Variants in NT5DC3 observed in about 807,000 individuals in gnomAD.
NT5DC3 encodes the protein 5'-nucleotidase domain-containing protein 3.
NT5DC3 carries 42 observed loss-of-function variants against 67.8 expected under a neutral mutation model. The ratio of observed to expected loss-of-function variants is 0.62; its 90% CI spans 0.48 to 0.80. NT5DC3 has a LOEUF of 0.80. NT5DC3 is among the 30% of genes least tolerant of loss of function. The probability of loss-of-function intolerance (pLI) is 0.00; values close to 1 mark genes in which losing one functional copy is unlikely to be tolerated. For missense variants in NT5DC3, 570 were observed against 696.4 expected (o/e 0.82, Z 2.04); for synonymous variants, 237 against 255.6 (o/e 0.93, Z 0.69).
the NT5DC3 span, among the ~76,000 whole-genome samples, chr12:103,754,658 T>TA: frequency 2.0e-5 from 3 of 152,112 alleles, no homozygotes; most frequent in Admixed American, 2.0e-4. Context: ...GATGAAGAAT[T>TA]AGAGTTCTAG....
chr12:103,806,739 A>G (rs1416433466), intron 3 of NT5DC3, 116 bp downstream of exon 3: 1 of 669,242 alleles, frequency 1.5e-6, no homozygotes, highest in Admixed American at 2.7e-5. Flanking sequence ...TTGGTTCTGC[A>G]GTCCCAAATA....
chr12:103,828,382 T>A (rs943585879), intron 1 of NT5DC3, among the ~76,000 whole-genome samples: 2 of 152,228 alleles, frequency 1.3e-5, no homozygotes, highest in African/African-American at 4.8e-5. Context: ...GTTCTCCTAT[T>A]TTAGGCATTT....
chr12:103,834,956 G>A (rs1888083215), intron 1 of NT5DC3, among the ~76,000 whole-genome samples: 1 of 152,192 alleles, frequency 6.6e-6, no homozygotes, highest in South Asian at 2.1e-4. Context: ...TCTTCTGACT[G>A]TGCCTTCCTA....
At chr12:103,757,441 G>T in the NT5DC3 span, among the ~76,000 whole-genome samples, 3 of 152,190 alleles carry the variant, frequency 2.0e-5, no homozygotes, top group African/African-American at 7.2e-5. Context: ...CAGTGAACAA[G>T]CAAGCAAACA....
At chr12:103,837,950 A>C (rs1324341703) in intron 1 of NT5DC3, among the ~76,000 whole-genome samples, 1 of 152,120 alleles carries the variant, frequency 6.6e-6, no homozygotes, top group Non-Finnish European at 1.5e-5. Context: ...GTATCAGTCC[A>C]TTTTCATGCT....
the NT5DC3 span, chr12:103,759,238 C>T: frequency 6.2e-7 from 1 of 1,614,088 alleles, no homozygotes; most frequent in Admixed American, 1.7e-5. Context: ...GGGAAGCAAG[C>T]TGCTCATCAC....
chr12:103,778,998 A>T (rs1003309466), intron 13 of NT5DC3, among the ~76,000 whole-genome samples: 3 of 152,182 alleles, frequency 2.0e-5, no homozygotes, highest in African/African-American at 7.2e-5. Context: ...GGAATACGGA[A>T]TGCTCTCAGG....
At chr12:103,804,340 G>T (rs11111793) in intron 4 of NT5DC3, among the ~76,000 whole-genome samples, 34,522 of 152,068 alleles carry the variant, frequency 0.23, 4,446 homozygotes, top group South Asian at 0.44. Flanking sequence ...CCTGCAAGGG[G>T]TATACCCATG....
In NT5DC3 at chr12:103,797,000, A is replaced by C. The variant is rs1229006141; in HGVS notation, c.647T>G (p.Met216Arg). ...CATCTCGGGCAGGGAGAAGATGTCC[A>C]TGAACTGCTTCATCGTGTTTCCATG... The part of the protein sequence containing the change: ...SSHGNTMKQF[M>R]DIFSLPEMTL... Residue 216 changes from methionine (M) to arginine (R), a missense_variant, in exon 6 of 14, where the codon ATG becomes AGG. Around this residue, in one of 2 missense-constraint regions of NT5DC3, gnomAD observed 466 missense variants for 608.0 expected, o/e 0.77. Coordinates refer to ENST00000392876, the MANE Select transcript of NT5DC3 (RefSeq NM_001031701.3). 6.2e-7 allele frequency: 1 copy of C among 1,614,200 alleles called. No individual in the cohort carries two copies. Among genetic ancestry groups the C allele is most frequent in the Non-Finnish European group, 8.5e-7 (1 of 1,180,028 alleles).
downstream of NT5DC3, among the ~76,000 whole-genome samples, chr12:103,769,828 G>A (rs926843230): frequency 2.0e-5 from 3 of 152,276 alleles, no homozygotes; most frequent in Non-Finnish European, 2.9e-5. Flanking sequence ...AACGACAAAT[G>A]TGTTAGCTTG....
chr12:103,761,047 C>T, the NT5DC3 span, among the ~76,000 whole-genome samples: 6 of 152,194 alleles, frequency 3.9e-5, no homozygotes, highest in Non-Finnish European at 7.3e-5. Context: ...CTTCTGATCA[C>T]TCATCTGTCA....
chr12:103,798,209 G>A (rs1192023245), intron 5 of NT5DC3, among the ~76,000 whole-genome samples: 2 of 152,168 alleles, frequency 1.3e-5, no homozygotes, highest in Non-Finnish European at 2.9e-5. Context: ...AGGTTTCCCT[G>A]AAGGTAAAAA....
At chr12:103,768,589 G>GAA (rs1186501665), downstream of NT5DC3, among the ~76,000 whole-genome samples, 2 of 19,542 alleles carry the variant, frequency 1.0e-4, no homozygotes, top group East Asian at 2.0e-3. Context: ...GAGGGGGAGG[G>GAA]AGGGAGAGGG....
At chr12:103,780,821 G>A (rs1885519309) in intron 12 of NT5DC3, among the ~76,000 whole-genome samples, 1 of 152,168 alleles carries the variant, frequency 6.6e-6, no homozygotes, top group South Asian at 2.1e-4. Flanking sequence ...TTATAGTTAA[G>A]TAGAAATGGC....
chr12:103,806,864 A>G lies in NT5DC3; in HGVS notation c.459T>C (p.Asp153=). The G allele has an allele frequency of 3.8e-6, 6 of 1,594,844 alleles. No homozygotes were observed. The highest frequency in any genetic ancestry group is 4.3e-6 in the Non-Finnish European group (5 of 1,162,434). Residue 153 remains aspartate, a synonymous_variant, in exon 3 of 14, where the codon GAT becomes GAC. Coordinates refer to ENST00000392876, the MANE Select transcript of NT5DC3 (RefSeq NM_001031701.3). ...PNFAIRGLHY[D]VQRAVLMKID... is the part of the protein sequence containing the mutation. ...GGAGAAGTAAACCTACCCGCTGTACATCATAATGAAGTCCACGAATTGCAA... is the reference window on the plus strand; with the variant it reads ...GGAGAAGTAAACCTACCCGCTGTACGTCATAATGAAGTCCACGAATTGCAA...
At chr12:103,811,380 A>C (rs1157814026) in intron 2 of NT5DC3, among the ~76,000 whole-genome samples, 1 of 152,132 alleles carries the variant, frequency 6.6e-6, no homozygotes, top group Non-Finnish European at 1.5e-5. Context: ...TTCAAGGAGC[A>C]GGAGGGGAGG....
intron 1 of NT5DC3, among the ~76,000 whole-genome samples, chr12:103,831,114 G>A (rs1887906136): frequency 6.6e-6 from 1 of 152,144 alleles, no homozygotes; most frequent in Non-Finnish European, 1.5e-5. Context: ...ATCTCTCCTT[G>A]AATTGTAATC....
chr12:103,797,711 T>C (rs1886381166), intron 5 of NT5DC3, among the ~76,000 whole-genome samples: 1 of 152,248 alleles, frequency 6.6e-6, no homozygotes, highest in African/African-American at 2.4e-5. Context: ...ACTCATGTAA[T>C]TCTCCTGAAC....
chr12:103,761,912 G>C, the NT5DC3 span, among the ~76,000 whole-genome samples: 1 of 152,188 alleles, frequency 6.6e-6, no homozygotes, highest in Non-Finnish European at 1.5e-5. Flanking sequence ...CATGAGGGGA[G>C]AGGTGAGCTG....
Sources: allele counts gnomAD v4.1 joint callset (sites outside exome capture counted in the v4.1 genomes callset), GRCh38; gene constraint gnomAD v4.1.1; regional missense constraint gnomAD v4.1.1; transcripts MANE v1.5; gene names NCBI Gene and HGNC (gene_info 2026-07-23, HGNC 2026-07-21).